RELB: variants seen among roughly 807,000 people sequenced by gnomAD.
RELB encodes the protein RELB proto-oncogene, NF-kB subunit.
RELB carries 14 observed loss-of-function variants against 55.4 expected under a neutral mutation model. That is an observed-to-expected ratio of 0.25 (90% confidence interval 0.17 to 0.40). RELB has a LOEUF of 0.40. Among genes scored for constraint, RELB ranks in the 10% least tolerant of loss-of-function variants. RELB has a pLI of 1.00. For missense variants in RELB, 669 were observed against 830.7 expected (o/e 0.81, Z 2.39); for synonymous variants, 409 against 371.3 (o/e 1.10, Z -1.17).
At position 45,037,522 on chromosome 19, in the gene RELB, A is replaced by G. The variant is rs1467112414; in HGVS notation, c.1472A>G (p.Tyr491Cys). 3.1e-6 allele frequency: 5 copies of G among 1,613,184 alleles called. No individual in the cohort carries two copies. Among genetic ancestry groups the G allele is most frequent in the Non-Finnish European group, 4.2e-6 (5 of 1,179,762 alleles). ...GPDLLDDGFA[Y>C]DPTAPTLFTM... ...GACCTCCTGGACGATGGCTTTGCCT[A>G]CGACCCTACGGCCCCCACACTCTTC... Residue 491 changes from tyrosine to cysteine, a missense_variant, in exon 12 of 12, where the codon TAC becomes TGC. Transcript: ENST00000221452.
intron 9 of RELB, among the ~76,000 whole-genome samples, chr19:45,033,835 G>A (rs1213674940): frequency 6.7e-6 from 1 of 149,272 alleles, no homozygotes; most frequent in Non-Finnish European, 1.5e-5. Flanking sequence ...GAGCCACCAC[G>A]CCCAGCCAAG....
At position 45,037,767 on chromosome 19, in the gene RELB, T is replaced by TC; in HGVS notation, c.1721dup (p.Pro576AlafsTer2). The TC allele has an allele frequency of 6.7e-7, 1 of 1,486,854 alleles. No homozygotes were observed. The highest frequency in any genetic ancestry group is 2.2e-4 in the Middle Eastern group (1 of 4,602). The allele number at this position is 1,486,854 out of a possible 1,614,324, so 92.1% of individuals were successfully genotyped here. On this transcript the variant is annotated frameshift_variant, in exon 12 of 12. Transcript: ENST00000221452. LOFTEE classifies it high-confidence loss of function. ...GGCGGCCTTTGGGGGCGGCCTCCTA[T>TC]CCCCGGGGCCTGAAGCCACGTAGCC...
At chr19:45,029,982 A>G (rs1971601547) in intron 8 of RELB, among the ~76,000 whole-genome samples, 2 of 152,194 alleles carry the variant, frequency 1.3e-5, no homozygotes, top group African/African-American at 2.4e-5. Flanking sequence ...AGCCTGGGCA[A>G]CATGGTGAAA....
chr19:45,016,174 G>A (rs1210180174), intron 4 of RELB, among the ~76,000 whole-genome samples: 2 of 151,606 alleles, frequency 1.3e-5, no homozygotes, highest in East Asian at 1.9e-4. Flanking sequence ...TAGTAGAGAC[G>A]GGGTTTCACC....
intron 2 of RELB, among the ~76,000 whole-genome samples, chr19:45,004,245 G>A (rs528776289): frequency 1.3e-4 from 17 of 128,180 alleles, no homozygotes; most frequent in Middle Eastern, 6.7e-3. Flanking sequence ...TTTTTGAGAC[G>A]GAGTTTCATT....
chr19:45,031,619 A>T (rs1971622220), intron 8 of RELB, among the ~76,000 whole-genome samples: 1 of 152,052 alleles, frequency 6.6e-6, no homozygotes, highest in South Asian at 2.1e-4. Flanking sequence ...TCTGTCCCCC[A>T]GGCTGGAGTG....
At chr19:45,037,212 G>T (rs967164999) in intron 11 of RELB, among the ~76,000 whole-genome samples, 193 bp from the exon 12 acceptor site, 1 of 151,724 alleles carries the variant, frequency 6.6e-6, no homozygotes, top group African/African-American at 2.4e-5. Flanking sequence ...AACTGGGGAG[G>T]CAGAGGTTGC....
chr19:45,009,906 G>A, intron 3 of RELB, 84 bp downstream of exon 3: 4 of 1,323,798 alleles, frequency 3.0e-6, no homozygotes, highest in South Asian at 1.2e-5. Flanking sequence ...TTGTTCAGTG[G>A]GGGTGGGGGA....
At chr19:45,024,201 G>T (rs1043525201) in intron 5 of RELB, among the ~76,000 whole-genome samples, 1 of 150,266 alleles carries the variant, frequency 6.7e-6, no homozygotes, top group Admixed American at 6.6e-5. Flanking sequence ...TCGCTTTGTC[G>T]CCCAGGCTGG....
Position 45,031,038 on chromosome 19 carries a change from A to G in RELB, c.992-1496A>G, listed in dbSNP as rs117542307. On this transcript the variant is annotated intron_variant, in intron 8 of 11. Coordinates refer to ENST00000221452, the MANE Select transcript of RELB (RefSeq NM_006509.4). The stretch of plus-strand genomic sequence containing the variant: ...AGAGTTGTTGTGTGACTTAGAGGCA[A>G]TCTATATGTAACTGACACATATAAA... Among the ~76,000 whole-genome samples, 45 of 152,274 alleles carry G rather than the reference A, an allele frequency of 3.0e-4. 1 individual carries two copies. In the East Asian group the frequency reaches 8.1e-3, roughly 27 times the overall value.
chr19:45,034,155 T>C, intron 9 of RELB, 89 bp from the exon 10 acceptor site: 1 of 1,043,638 alleles, frequency 9.6e-7, no homozygotes, highest in Non-Finnish European at 1.4e-6. Context: ...CAAGACTGTC[T>C]CTAAAAATAA....
At chr19:45,004,960 G>C (rs552550265) in intron 2 of RELB, among the ~76,000 whole-genome samples, 2 of 151,986 alleles carry the variant, frequency 1.3e-5, no homozygotes, top group Admixed American at 1.3e-4. Context: ...ACAAGGTCAG[G>C]AGTTCAAGAC....
intron 11 of RELB, among the ~76,000 whole-genome samples, chr19:45,034,971 G>C (rs1971670133): frequency 6.6e-6 from 1 of 151,552 alleles, no homozygotes; most frequent in Non-Finnish European, 1.5e-5. Context: ...CTCCCAAGTA[G>C]CTGGGACTAA....
chr19:45,028,814 G>A (rs1971587591), intron 7 of RELB, 74 bp from the exon 8 acceptor site: 3 of 1,273,574 alleles, frequency 2.4e-6, no homozygotes. Context: ...CACCCACTGG[G>A]TGCCCAGTAA....
intron 5 of RELB, among the ~76,000 whole-genome samples, chr19:45,024,492 C>T (rs1971533228): frequency 6.6e-6 from 1 of 151,762 alleles, no homozygotes; most frequent in Non-Finnish European, 1.5e-5. Context: ...TGAAGTTGGC[C>T]AGTGTTCTCA....
At position 45,037,565 on chromosome 19, in the gene RELB, GC is replaced by G; in HGVS notation, c.1520del (p.Pro507ArgfsTer28). 6.2e-7 allele frequency: 1 copy of G among 1,612,712 alleles called. No homozygotes were observed. Among genetic ancestry groups the G allele is most frequent in the Non-Finnish European group, 8.5e-7 (1 of 1,179,478 alleles). On this transcript the variant is annotated frameshift_variant, in exon 12 of 12. Coordinates refer to ENST00000221452, the MANE Select transcript of RELB (RefSeq NM_006509.4). LOFTEE classifies it low-confidence loss of function (END_TRUNC). The part of the protein sequence containing the change: ...PTLFTMLDLL[P>X]PAPPHASAVV... Reference sequence around the variant, plus strand: ...CACTCTTCACCATGCTGGACCTGCTGCCCCCGGCACCGCCACACGCTAGCGC... The same window carrying G: ...CACTCTTCACCATGCTGGACCTGCTGCCCCGGCACCGCCACACGCTAGCGC...
intron 2 of RELB, among the ~76,000 whole-genome samples, chr19:45,005,828 T>G (rs1971276012): frequency 6.6e-6 from 1 of 152,196 alleles, no homozygotes; most frequent in Non-Finnish European, 1.5e-5. Context: ...GGTCTGGAAC[T>G]CCTGGCCTCA....
At chr19:45,018,694 G>C (rs1422040542) in intron 4 of RELB, among the ~76,000 whole-genome samples, 1 of 146,682 alleles carries the variant, frequency 6.8e-6, no homozygotes, top group Non-Finnish European at 1.5e-5. Flanking sequence ...AATTTTTTTT[G>C]AGACAGAGTT....
At position 45,008,165 on chromosome 19, in the gene RELB, G is replaced by A. The variant is rs192394026; in HGVS notation, c.155-1649G>A. Reference sequence around the variant, plus strand: ...AGCCTGGGTGACAGAGCAAGACTCCGTCTCAAAAAAATAAAAATAAATAAA... The same window carrying A: ...AGCCTGGGTGACAGAGCAAGACTCCATCTCAAAAAAATAAAAATAAATAAA... On this transcript the variant is annotated intron_variant, in intron 2 of 11. Transcript: ENST00000221452. Among the ~76,000 whole-genome samples the A allele has an allele frequency of 3.4e-3, 513 of 151,344 alleles. 3 individuals carry two copies. The highest frequency in any genetic ancestry group is 5.6e-3 in the Non-Finnish European group (382 of 67,832).
Sources: allele counts gnomAD v4.1 joint callset (sites outside exome capture counted in the v4.1 genomes callset), GRCh38; gene constraint gnomAD v4.1.1; transcripts MANE v1.5; gene names NCBI Gene and HGNC (gene_info 2026-07-23, HGNC 2026-07-21).